Variants in ARB2A observed in about 807,000 individuals in gnomAD.
ARB2A encodes the protein ARB2 cotranscriptional regulator A, also known as cotranscriptional regulator ARB2A.
At chr5:94,067,416 T>C in the ARB2A span, among the ~76,000 whole-genome samples, 3 of 152,168 alleles carry the variant, frequency 2.0e-5, no homozygotes, top group Non-Finnish European at 2.9e-5. Context: ...GCATCTGATA[T>C]AATCTTATAT....
the ARB2A span, among the ~76,000 whole-genome samples, chr5:94,008,564 A>G: frequency 1.3e-5 from 2 of 152,180 alleles, no homozygotes; most frequent in East Asian, 1.9e-4. Flanking sequence ...GTGATGAATT[A>G]TATTCTAAAT....
chr5:93,849,302 A>T, the ARB2A span, among the ~76,000 whole-genome samples: 1 of 152,214 alleles, frequency 6.6e-6, no homozygotes, highest in South Asian at 2.1e-4. Context: ...ATTAATTTTA[A>T]AACAAAATTA....
chr5:94,031,464 A>G, the ARB2A span, among the ~76,000 whole-genome samples: 3 of 152,338 alleles, frequency 2.0e-5, no homozygotes, highest in South Asian at 2.1e-4. Context: ...CTGGAATAGC[A>G]TATATGGTTG....
At chr5:94,088,060 T>C in the ARB2A span, among the ~76,000 whole-genome samples, 5 of 152,230 alleles carry the variant, frequency 3.3e-5, no homozygotes, top group Non-Finnish European at 7.3e-5. Flanking sequence ...GACATATTTC[T>C]TAGGGATAAT....
the ARB2A span, chr5:93,683,238 C>A: frequency 6.9e-7 from 1 of 1,444,636 alleles, no homozygotes. Context: ...TCATCTTCAT[C>A]AGCAGCAAGT....
chr5:93,921,157 TAAAAAA>T, the ARB2A span, among the ~76,000 whole-genome samples: 47 of 124,134 alleles, frequency 3.8e-4, no homozygotes, highest in African/African-American at 4.8e-4. Context: ...AAGACCATGT[TAAAAAA>T]AAAAAAAAAA....
the ARB2A span, among the ~76,000 whole-genome samples, chr5:93,808,571 A>G: frequency 1.3e-5 from 2 of 151,982 alleles, no homozygotes; most frequent in African/African-American, 4.8e-5. Context: ...TGATACAGGA[A>G]CAGTTTTTCT....
chr5:93,944,570 T>C, the ARB2A span, among the ~76,000 whole-genome samples: 4 of 146,272 alleles, frequency 2.7e-5, no homozygotes, highest in East Asian at 2.0e-4. Flanking sequence ...GGTGACACTC[T>C]GCCTCATGAA....
chr5:93,656,976 G>A, the ARB2A span, among the ~76,000 whole-genome samples: 12 of 152,060 alleles, frequency 7.9e-5, no homozygotes, highest in Admixed American at 2.0e-4. Flanking sequence ...CCTAGCATGC[G>A]TCATGCCTCA....
the ARB2A span, among the ~76,000 whole-genome samples, chr5:93,793,507 T>A: frequency 2.6e-5 from 4 of 151,976 alleles, no homozygotes; most frequent in Non-Finnish European, 5.9e-5. Flanking sequence ...GTAGCCTCCA[T>A]GAGGGCAAAT....
the ARB2A span, among the ~76,000 whole-genome samples, chr5:93,978,000 A>G: frequency 1.3e-5 from 2 of 152,182 alleles, no homozygotes; most frequent in African/African-American, 2.4e-5. Context: ...CAAGCAGCCA[A>G]CAAACATGAA....
the ARB2A span, among the ~76,000 whole-genome samples, chr5:93,661,548 A>G: frequency 6.6e-6 from 1 of 152,042 alleles, no homozygotes; most frequent in Non-Finnish European, 1.5e-5. Flanking sequence ...GAGAGTCATC[A>G]CCTATCAGGG....
the ARB2A span, among the ~76,000 whole-genome samples, chr5:94,008,628 A>G: frequency 1.3e-5 from 2 of 152,138 alleles, no homozygotes; most frequent in African/African-American, 4.8e-5. Context: ...AAAGTTACTC[A>G]TATATACTAT....
chr5:93,941,178 T>C, the ARB2A span, among the ~76,000 whole-genome samples: 109,092 of 151,936 alleles, frequency 0.72, 41,145 homozygotes, highest in South Asian at 0.86. Context: ...TCCAAAGCAT[T>C]GATTATAACT....
the ARB2A span, chr5:93,958,732 G>T: frequency 7.5e-7 from 1 of 1,328,818 alleles, no homozygotes; most frequent in African/African-American, 1.5e-5. Context: ...TAATAAAACA[G>T]TACTATAAAA....
At chr5:93,799,185 C>T in the ARB2A span, among the ~76,000 whole-genome samples, 1 of 152,054 alleles carries the variant, frequency 6.6e-6, no homozygotes, top group African/African-American at 2.4e-5. Context: ...GATAACATTG[C>T]AATGAGCTTT....
the ARB2A span, among the ~76,000 whole-genome samples, chr5:93,952,345 G>A: frequency 1.3e-5 from 2 of 152,250 alleles, no homozygotes; most frequent in East Asian, 1.9e-4. Flanking sequence ...TGTAGAACAC[G>A]TCTGGTGTGG....
the ARB2A span, among the ~76,000 whole-genome samples, chr5:93,637,783 G>A: frequency 6.6e-6 from 1 of 152,172 alleles, no homozygotes; most frequent in Non-Finnish European, 1.5e-5. Context: ...GATTAACCTT[G>A]CCCAAAGAGA....
chr5:93,925,519 TGGGACAAAGGGA>T, the ARB2A span, among the ~76,000 whole-genome samples: 4 of 152,152 alleles, frequency 2.6e-5, no homozygotes, highest in Non-Finnish European at 4.4e-5. Flanking sequence ...CCTGGGTATG[TGGGACAAAGGGA>T]TGATTCATAT....
Sources: allele counts gnomAD v4.1 joint callset (sites outside exome capture counted in the v4.1 genomes callset), GRCh38; gene constraint gnomAD v4.1.1; transcripts MANE v1.5; gene names NCBI Gene and HGNC (gene_info 2026-07-23, HGNC 2026-07-21).